SIGLEC5: variants seen among roughly 807,000 people sequenced by gnomAD.
SIGLEC5 encodes sialic acid-binding Ig-like lectin 5.
A neutral mutation model predicts 45.9 loss-of-function variants in SIGLEC5; 34 were observed. The ratio of observed to expected loss-of-function variants is 0.74; its 90% CI spans 0.56 to 0.99. The LOEUF (loss-of-function observed/expected upper bound fraction) is 0.99, where lower values mean the gene tolerates loss of function less well. SIGLEC5 is among the 50% of genes least tolerant of loss of function. SIGLEC5 has a pLI of 0.00. For synonymous variants in SIGLEC5, 203 were observed against 258.6 expected (o/e 0.79, Z 2.06); for missense variants, 508 against 629.6 (o/e 0.81, Z 2.07).
chr19:51,625,032 T>G (rs973775527), intron 8 of SIGLEC5, among the ~76,000 whole-genome samples: 1 of 151,804 alleles, frequency 6.6e-6, no homozygotes, highest in African/African-American at 2.4e-5. Flanking sequence ...AAGGCAGTGG[T>G]GATGTGTGAT....
intron 8 of SIGLEC5, among the ~76,000 whole-genome samples, chr19:51,623,413 T>C (rs2122629316): frequency 6.6e-6 from 1 of 152,154 alleles, no homozygotes; most frequent in South Asian, 2.1e-4. Flanking sequence ...ACACATACAA[T>C]GAGAAAAATA....
At chr19:51,617,119 G>A (rs1983093941) in intron 8 of SIGLEC5, among the ~76,000 whole-genome samples, 3 of 151,378 alleles carry the variant, frequency 2.0e-5, no homozygotes, top group Non-Finnish European at 2.9e-5. Context: ...GCCGGGCATG[G>A]TGGCGGGCGC....
intron 8 of SIGLEC5, 30 bp downstream of exon 8, chr19:51,626,002 T>C (rs928762010): frequency 6.3e-6 from 10 of 1,583,744 alleles, no homozygotes; most frequent in East Asian, 2.2e-5. Context: ...CGAGTGGACA[T>C]GCACATGAGA....
rs1055722612 is a variant in SIGLEC5, at chr19:51,629,478, G to A, written c.580C>T (p.Arg194Cys). 8.1e-6 allele frequency: 13 copies of A among 1,612,264 alleles called. No individual in the cohort carries two copies. Among genetic ancestry groups the A allele is most frequent in the Non-Finnish European group, 1.1e-5 (13 of 1,179,420 alleles). The part of the protein sequence containing the change: ...ALSPLDPETT[R>C]SSELTLTPRP... ...GGGGTGAGGGTGAGCTCCGAGGAGC[G>A]GGTGGTCTCGGGGTCCAGGGGGCTG... Residue 194 changes from arginine (R) to cysteine (C), a missense_variant, in exon 3 of 9, where the codon CGC becomes TGC. Arg to Cys is a radical substitution (Grantham distance 180). This residue lies in a region of SIGLEC5 where 77 missense variants were observed against 200.8 expected (regional missense o/e 0.38). Coordinates refer to ENST00000683636, the MANE Select transcript of SIGLEC5 (RefSeq NM_003830.4).
Position 51,627,945 on chromosome 19 carries a change from T to C in SIGLEC5, c.886A>G (p.Thr296Ala), listed in dbSNP as rs1568593127. 4 of 1,613,920 alleles carry C rather than the reference T, an allele frequency of 2.5e-6. No individual in the cohort carries two copies. The highest frequency in any genetic ancestry group is 1.3e-5 in the African/African-American group (1 of 74,950). ...ACTCGACGAAGCTCCAAGATCCCGG[T>C]ATTGGAGATGGGGGTGGCGTTCAGG... is the stretch of plus-strand genomic sequence containing the variant. ...PALNATPISN[T>A]GILELRRVRS... The change falls in exon 5 of 9, where the codon ACC becomes GCC. Residue 296 changes from threonine (T) to alanine (A), a missense_variant. Coordinates refer to ENST00000683636, the MANE Select transcript of SIGLEC5 (RefSeq NM_003830.4).
At position 51,613,023 on chromosome 19, in the gene SIGLEC5, T is replaced by C. The variant is rs117295934; in HGVS notation, c.1465-601A>G. On this transcript the variant is annotated intron_variant, in intron 8 of 8. Transcript: ENST00000683636. ...GTAATAAACTGCTTCTGTTATTTCA[T>C]GTGTTTTGTTGTGCTGTCTCCTCTG... 4.6e-3 allele frequency among the ~76,000 whole-genome samples: 705 copies of C among 152,302 alleles called. 17 individuals are homozygous for C. Among genetic ancestry groups the C allele is most frequent in the East Asian group, 0.039 (204 of 5,192 alleles).
At position 51,627,668 on chromosome 19, in the gene SIGLEC5, G is replaced by C. The variant is rs772906943; in HGVS notation, c.1076C>G (p.Pro359Arg). Reference sequence around the variant, plus strand: ...AAGCCGCCAGCACAGGGAGGGGGCCGGCCGGGCTCGAAAGGAGCATCTGCA... The same window carrying C: ...AAGCCGCCAGCACAGGGAGGGGGCCCGCCGGGCTCGAAAGGAGCATCTGCA... Reference protein sequence around the residue: ...LHCRCSFRARPAPSLCWRLEE... With the variant: ...LHCRCSFRARRAPSLCWRLEE... The change falls in exon 6 of 9, where the codon CCG becomes CGG. Residue 359 changes from proline (P) to arginine (R), a missense_variant. By Grantham distance (103) the Pro-to-Arg change is moderately radical. This residue lies in a region of SIGLEC5 where 431 missense variants were observed against 428.8 expected (regional missense o/e 1.01). Transcript: ENST00000683636. 2.4e-5 allele frequency: 39 copies of C among 1,610,422 alleles called. No individual in the cohort carries two copies. The highest frequency in any genetic ancestry group is 3.1e-5 in the Non-Finnish European group (36 of 1,178,938).
chr19:51,629,182 G>T (rs113222301), intron 3 of SIGLEC5, 106 bp from the exon 4 acceptor site: 3 of 1,523,418 alleles, frequency 2.0e-6, no homozygotes, highest in Non-Finnish European at 2.7e-6. Flanking sequence ...AGCGGGGAAG[G>T]CTGTCCTGTC....
At chr19:51,620,904 T>C (rs1189529496) in intron 8 of SIGLEC5, among the ~76,000 whole-genome samples, 1 of 152,182 alleles carries the variant, frequency 6.6e-6, no homozygotes, top group Non-Finnish European at 1.5e-5. Context: ...CCCCTGGCCT[T>C]GAACTCCTGG....
chr19:51,617,365 A>C (rs898125067), intron 8 of SIGLEC5, among the ~76,000 whole-genome samples: 1 of 152,154 alleles, frequency 6.6e-6, no homozygotes, highest in African/African-American at 2.4e-5. Context: ...CCACGAGTGC[A>C]AGAAAAAAGA....
At position 51,627,830 on chromosome 19, in the gene SIGLEC5, T is replaced by C. The variant is rs1983552974; in HGVS notation, c.997+4A>G. The C allele has an allele frequency of 6.3e-7, 1 of 1,595,556 alleles. No homozygotes were observed. The highest frequency in any genetic ancestry group is 1.3e-5 in the African/African-American group (1 of 74,476). On this transcript the variant is annotated splice_donor_region_variant and intron_variant, in intron 5 of 8. Transcript: ENST00000683636. ...GTTCCTGCTCCAGCTGCCCCCACAC[T>C]CACAGTAAACTGAGAGATTCAGAAA...
Position 51,627,689 on chromosome 19 carries a change from C to A in SIGLEC5, c.1055G>T (p.Arg352Ile), listed in dbSNP as rs558413990. Residue 352 changes from arginine to isoleucine, a missense_variant, in exon 6 of 9, where the codon AGA becomes ATA. By Grantham distance (97) the Arg-to-Ile change is moderately conservative. Coordinates refer to ENST00000683636, the MANE Select transcript of SIGLEC5 (RefSeq NM_003830.4). ...GGCCGGCCGGGCTCGAAAGGAGCAT[C>A]TGCAGTGCAGACCCTCAGCCTCCCA... is the stretch of plus-strand genomic sequence containing the variant. ...CSWEAEGLHCRCSFRARPAPS... is the reference protein window; with the variant it reads ...CSWEAEGLHCICSFRARPAPS... 2 of 1,609,544 alleles carry A rather than the reference C, an allele frequency of 1.2e-6. No individual in the cohort carries two copies. The highest frequency in any genetic ancestry group is 1.3e-5 in the African/African-American group (1 of 74,952).
chr19:51,612,735 C>T (rs990378259), intron 8 of SIGLEC5, among the ~76,000 whole-genome samples: 3 of 152,226 alleles, frequency 2.0e-5, no homozygotes, highest in Non-Finnish European at 4.4e-5. Flanking sequence ...CGCAGATATA[C>T]TGCAGCAACC....
At chr19:51,616,005 A>C (rs570381069) in intron 8 of SIGLEC5, among the ~76,000 whole-genome samples, 3 of 152,250 alleles carry the variant, frequency 2.0e-5, no homozygotes, top group African/African-American at 4.8e-5. Context: ...CAAACTCCCG[A>C]CCTCAGGTGA....
chr19:51,619,504 A>T (rs1317226957), intron 8 of SIGLEC5, among the ~76,000 whole-genome samples: 2 of 152,228 alleles, frequency 1.3e-5, no homozygotes, highest in Non-Finnish European at 2.9e-5. Flanking sequence ...TCTGACCAAA[A>T]AGCATCTACT....
intron 8 of SIGLEC5, among the ~76,000 whole-genome samples, chr19:51,617,674 A>C (rs1474649014): frequency 6.6e-6 from 1 of 152,190 alleles, no homozygotes; most frequent in East Asian, 1.9e-4. Flanking sequence ...GAGGAACCCA[A>C]ACTGAAAACC....
chr19:51,627,487 C>T lies in SIGLEC5; in HGVS notation c.1257G>A (p.Gln419=), dbSNP rs887921217. ...CTTGCAGCAGCAGGACAGAGCCGCT[C>T]TGGGACCCATAGATGTTCCAGGCCT... is the stretch of plus-strand genomic sequence containing the variant. The part of the protein sequence containing the change: ...SCKAWNIYGS[Q]SGSVLLLQGR... Residue 419 remains glutamine, a synonymous_variant, in exon 6 of 9, where the codon CAG becomes CAA. Coordinates refer to ENST00000683636, the MANE Select transcript of SIGLEC5 (RefSeq NM_003830.4). 2.2e-5 allele frequency: 35 copies of T among 1,613,894 alleles called. No individual in the cohort carries two copies. The highest frequency in any genetic ancestry group is 2.9e-5 in the Non-Finnish European group (34 of 1,179,990).
intron 8 of SIGLEC5, among the ~76,000 whole-genome samples, 188 bp downstream of exon 8, chr19:51,625,844 C>T (rs113861918): frequency 0.13 from 19,514 of 152,050 alleles, 1,333 homozygotes; most frequent in Middle Eastern, 0.22. Flanking sequence ...AACAAACAAA[C>T]AAACAAACAA....
intron 8 of SIGLEC5, among the ~76,000 whole-genome samples, chr19:51,613,224 C>G (rs1982926341): frequency 2.6e-5 from 4 of 152,246 alleles, no homozygotes; most frequent in Middle Eastern, 3.4e-3. Flanking sequence ...ACTCAGGCAG[C>G]AGGTGGTGTG....
Sources: gnomAD v4.1 joint callset for allele counts (sites outside exome capture counted in the v4.1 genomes callset) on GRCh38, gnomAD v4.1.1 for gene constraint, gnomAD v4.1.1 regional missense constraint, MANE v1.5 for transcripts, NCBI Gene and HGNC (gene_info 2026-07-23, HGNC 2026-07-21) for gene names.